The following HSP90AA1 variants were observed in gnomAD, a reference collection of about 807,000 sequenced individuals.
The protein encoded by HSP90AA1 is heat shock protein HSP 90-alpha.
A neutral mutation model predicts 73.3 loss-of-function variants in HSP90AA1; 18 were observed. The ratio of observed to expected loss-of-function variants is 0.25; its 90% confidence interval spans 0.17 to 0.36. HSP90AA1 has a LOEUF of 0.36. Among genes scored for constraint, HSP90AA1 ranks in the 10% least tolerant of loss-of-function variants. The pLI, the probability that HSP90AA1 is intolerant of heterozygous loss-of-function variation, is 1.00. For synonymous variants in HSP90AA1, 477 were observed against 296.9 expected (o/e 1.61, Z -6.24); for missense variants, 704 against 874.2 (o/e 0.81, Z 2.45).
chr14:102,084,133 A>G (rs1280076987), intron 6 of HSP90AA1, 150 bp from the exon 7 acceptor site: 15 of 755,012 alleles, frequency 2.0e-5, no homozygotes, highest in Non-Finnish European at 3.2e-5. Context: ...GCAGTGGCGC[A>G]ATCTCCACTC....
upstream of HSP90AA1, among the ~76,000 whole-genome samples, chr14:102,089,617 A>G (rs2049326137): frequency 6.6e-6 from 1 of 152,106 alleles, no homozygotes; most frequent in Admixed American, 6.5e-5. Flanking sequence ...TCTCACTAAT[A>G]GAACTTGTGT....
At chr14:102,109,312 G>A (rs550545781) in intron 1 of HSP90AA1, among the ~76,000 whole-genome samples, 1 of 152,216 alleles carries the variant, frequency 6.6e-6, no homozygotes, top group African/African-American at 2.4e-5. Context: ...TCCCTGATAC[G>A]GTTTGGCTGT....
rs577964949 is a variant in HSP90AA1 at position 102,118,511 on chromosome 14, G to T, written c.156-16426C>A. ...CCACCTCAGCCTCCCAAAGTGCAGG[G>T]ATTATAGGTGTGAGCCACCATGCCC... On this transcript the variant is annotated intron_variant, in intron 1 of 11. Coordinates refer to the HSP90AA1 transcript ENST00000334701. Among the ~76,000 whole-genome samples, 8 of 151,984 alleles carry T rather than the reference G, an allele frequency of 5.3e-5. No homozygotes were observed. The East Asian group carries it at 1.6e-3, about 29-fold the overall frequency.
chr14:102,102,329 C>T (rs8005175), intron 1 of HSP90AA1, among the ~76,000 whole-genome samples: 1 of 152,178 alleles, frequency 6.6e-6, no homozygotes, highest in Non-Finnish European at 1.5e-5. Context: ...CCTGATCCCC[C>T]ACTCCAGCAG....
chr14:102,135,338 A>G (rs1005688212), intron 1 of HSP90AA1, among the ~76,000 whole-genome samples: 1 of 144,462 alleles, frequency 6.9e-6, no homozygotes, highest in Admixed American at 6.8e-5. Context: ...GCTAGACATA[A>G]AGGTTCTCCA....
chr14:102,104,003 T>G (rs2049530824), intron 1 of HSP90AA1, among the ~76,000 whole-genome samples: 3 of 149,884 alleles, frequency 2.0e-5, no homozygotes, highest in African/African-American at 7.4e-5. Flanking sequence ...ACTGCACCAC[T>G]GCACCCTGTC....
chr14:102,109,413 G>T (rs1323861226), intron 1 of HSP90AA1, among the ~76,000 whole-genome samples: 1 of 152,172 alleles, frequency 6.6e-6, no homozygotes, highest in Admixed American at 6.6e-5. Flanking sequence ...AATCATGGAG[G>T]TGGGTCTTTC....
intron 1 of HSP90AA1, among the ~76,000 whole-genome samples, chr14:102,123,781 T>C (rs1041424778): frequency 6.6e-6 from 1 of 152,134 alleles, no homozygotes; most frequent in Non-Finnish European, 1.5e-5. Flanking sequence ...CCCACTTCCC[T>C]GTGAGATGTA....
chr14:102,084,101 A>C, intron 6 of HSP90AA1, 118 bp from the exon 7 acceptor site: 2 of 866,422 alleles, frequency 2.3e-6, no homozygotes, highest in Middle Eastern at 2.2e-4. Context: ...AGACAGTCTC[A>C]CTCTGTTGCC....
intron 1 of HSP90AA1, among the ~76,000 whole-genome samples, chr14:102,131,671 C>CAGAA (rs1248109679): frequency 1.2e-4 from 19 of 152,308 alleles, no homozygotes; most frequent in Admixed American, 1.2e-3. Flanking sequence ...CAAGTCTTTA[C>CAGAA]AGAAATGTCA....
At chr14:102,134,760 A>C (rs1351542013) in intron 1 of HSP90AA1, among the ~76,000 whole-genome samples, 1 of 152,168 alleles carries the variant, frequency 6.6e-6, no homozygotes, top group Non-Finnish European at 1.5e-5. Context: ...GGACCCAAAG[A>C]GTGAGCAGTA....
chr14:102,139,509 C>G, exon 1 of HSP90AA1: 6 of 1,241,370 alleles, frequency 4.8e-6, no homozygotes, highest in Non-Finnish European at 6.5e-6. Flanking sequence ...CAGGGCAGGG[C>G]GGGAGACCGC....
rs763464265 is a variant in HSP90AA1, at chr14:102,084,922, T to C, written c.740A>G (p.Lys247Arg). The stretch of plus-strand genomic sequence containing the variant: ...TTTGTCTTCCGACTCTTTCTCTTCT[T>C]TTTCTTTTTCTTCTTCTTTGTCTTC... ...EKEDKEEEKE[K>R]EEKESEDKPE... The change falls in exon 5 of 11, where the codon AAA (lysine) becomes AGA (arginine). Residue 247 changes from lysine (K) to arginine (R), a missense_variant. By Grantham distance (26) the Lys-to-Arg change is conservative. Coordinates refer to ENST00000216281, the MANE Select transcript of HSP90AA1 (RefSeq NM_005348.4). 3.7e-5 allele frequency: 59 copies of C among 1,582,128 alleles called. No homozygotes were observed. In the Middle Eastern group the frequency reaches 5.0e-4, roughly 13 times the overall value.
chr14:102,115,458 C>T (rs1054273819), intron 1 of HSP90AA1, among the ~76,000 whole-genome samples: 4 of 152,096 alleles, frequency 2.6e-5, no homozygotes, highest in African/African-American at 4.8e-5. Flanking sequence ...TTGAAGAGTA[C>T]GTACATTTTA....
At chr14:102,120,580 G>A (rs1036074560) in intron 1 of HSP90AA1, among the ~76,000 whole-genome samples, 1 of 152,204 alleles carries the variant, frequency 6.6e-6, no homozygotes, top group Middle Eastern at 3.4e-3. Context: ...GAAAGTGTTA[G>A]TAAGTAATGA....
At chr14:102,109,665 C>T (rs1056667085) in intron 1 of HSP90AA1, among the ~76,000 whole-genome samples, 16 of 152,118 alleles carry the variant, frequency 1.1e-4, no homozygotes, top group Non-Finnish European at 1.5e-5. Flanking sequence ...TGGACTAATA[C>T]AGTAAATTGT....
At chr14:102,111,203 A>G (rs1309904287) in intron 1 of HSP90AA1, among the ~76,000 whole-genome samples, 1 of 152,222 alleles carries the variant, frequency 6.6e-6, no homozygotes, top group Non-Finnish European at 1.5e-5. Flanking sequence ...TCCTGGGCAT[A>G]TCAGAAGTCT....
At chr14:102,116,728 C>T (rs2049711773) in intron 1 of HSP90AA1, among the ~76,000 whole-genome samples, 1 of 152,216 alleles carries the variant, frequency 6.6e-6, no homozygotes, top group Admixed American at 6.5e-5. Context: ...TGGACCCTCC[C>T]CAACACTCCC....
intron 4 of HSP90AA1, 42 bp from the exon 5 acceptor site, chr14:102,085,040 G>C (rs756485083): frequency 2.5e-6 from 4 of 1,613,388 alleles, no homozygotes; most frequent in Non-Finnish European, 3.4e-6. Context: ...CTGCACTCCA[G>C]AACTAAGCGA....
Sources: gnomAD v4.1 joint callset for allele counts (sites outside exome capture counted in the v4.1 genomes callset) on GRCh38, gnomAD v4.1.1 for gene constraint, MANE v1.5 for transcripts, NCBI Gene and HGNC (gene_info 2026-07-23, HGNC 2026-07-21) for gene names.